The following KCTD16 variants were observed in gnomAD, a reference collection of about 807,000 sequenced individuals.
KCTD16 encodes the protein potassium channel tetramerization domain containing 16.
In KCTD16, 13 loss-of-function variants were observed where a neutral mutation model predicts 33.2. The ratio of observed to expected loss-of-function variants is 0.39; its 90% confidence interval spans 0.25 to 0.62. The LOEUF is 0.62. KCTD16 is among the 20% of genes least tolerant of loss of function. The pLI is 0.50. For missense variants in KCTD16, 441 were observed against 525.1 expected, an observed-to-expected ratio of 0.84 and a Z score of 1.57; for synonymous variants, 197 against 195.3, an observed-to-expected ratio of 1.01 and a Z score of -0.07.
At chr5:144,348,639 G>T (rs1752870046) in intron 3 of KCTD16, among the ~76,000 whole-genome samples, 1 of 152,200 alleles carries the variant, frequency 6.6e-6, no homozygotes, top group South Asian at 2.1e-4. Flanking sequence ...CCTATGGCCA[G>T]AGTTAGTTAC....
intron 3 of KCTD16, among the ~76,000 whole-genome samples, chr5:144,408,459 T>C (rs571913405): frequency 2.0e-4 from 30 of 152,220 alleles, no homozygotes; most frequent in Non-Finnish European, 3.4e-4. Context: ...TTCACACAAG[T>C]ATATTTATGT....
intron 3 of KCTD16, among the ~76,000 whole-genome samples, chr5:144,238,014 G>A (rs1344740090): frequency 6.6e-6 from 1 of 152,196 alleles, no homozygotes; most frequent in Non-Finnish European, 1.5e-5. Flanking sequence ...TATTACTAGT[G>A]ACTGGCATTT....
At chr5:144,296,784 T>C (rs1392988402) in intron 3 of KCTD16, among the ~76,000 whole-genome samples, 1 of 152,176 alleles carries the variant, frequency 6.6e-6, no homozygotes, top group African/African-American at 2.4e-5. Flanking sequence ...AAAAAGTAGT[T>C]CTCATTTTTC....
At chr5:144,288,681 C>A (rs1204058369) in intron 3 of KCTD16, among the ~76,000 whole-genome samples, 1 of 152,090 alleles carries the variant, frequency 6.6e-6, no homozygotes, top group African/African-American at 2.4e-5. Context: ...TAGAAAGCAT[C>A]CTGGTTGGCT....
At chr5:144,224,383 GTTTT>G (rs530446253) in intron 3 of KCTD16, among the ~76,000 whole-genome samples, 31 of 100,348 alleles carry the variant, frequency 3.1e-4, no homozygotes, top group African/African-American at 1.0e-3. Flanking sequence ...AATATAATGT[GTTTT>G]TTTTTTTTTT....
intron 3 of KCTD16, among the ~76,000 whole-genome samples, chr5:144,395,696 G>T (rs1752553301): frequency 6.6e-6 from 1 of 152,158 alleles, no homozygotes; most frequent in Admixed American, 6.5e-5. Context: ...TAGTCGTTTT[G>T]GGGAGAATTC....
chr5:144,359,729 T>C (rs1039339643), intron 3 of KCTD16, among the ~76,000 whole-genome samples: 2 of 151,204 alleles, frequency 1.3e-5, no homozygotes, highest in African/African-American at 4.9e-5. Flanking sequence ...CCTTACAACC[T>C]CCAATGACAA....
At chr5:144,392,885 G>T (rs567385812) in intron 3 of KCTD16, among the ~76,000 whole-genome samples, 2 of 152,188 alleles carry the variant, frequency 1.3e-5, no homozygotes, top group Admixed American at 1.3e-4. Flanking sequence ...CAGTTCCTCC[G>T]CTGGCCAGCA....
intron 3 of KCTD16, among the ~76,000 whole-genome samples, chr5:144,417,967 C>T (rs1156472772): frequency 2.0e-5 from 3 of 152,080 alleles, no homozygotes; most frequent in East Asian, 3.9e-4. Context: ...GAGTTTGTTC[C>T]TTCTGATGTT....
chr5:144,458,623 G>A (rs1042377580), intron 3 of KCTD16, among the ~76,000 whole-genome samples: 1 of 152,132 alleles, frequency 6.6e-6, no homozygotes, highest in Non-Finnish European at 1.5e-5. Flanking sequence ...TCAGCTTCAG[G>A]TGCTGGGGTC....
intron 3 of KCTD16, among the ~76,000 whole-genome samples, chr5:144,212,682 T>A (rs928314256): frequency 1.3e-5 from 2 of 152,172 alleles, no homozygotes; most frequent in African/African-American, 2.4e-5. Context: ...CAGAAATGGA[T>A]AGATGAATGC....
intron 3 of KCTD16, among the ~76,000 whole-genome samples, chr5:144,417,715 G>C (rs1753098563): frequency 6.6e-6 from 1 of 152,100 alleles, no homozygotes; most frequent in African/African-American, 2.4e-5. Flanking sequence ...TTTTTTGCAA[G>C]TGTTTTATGG....
At chr5:144,407,758 T>A (rs1427677498) in intron 3 of KCTD16, among the ~76,000 whole-genome samples, 1 of 152,182 alleles carries the variant, frequency 6.6e-6, no homozygotes, top group Non-Finnish European at 1.5e-5. Flanking sequence ...TGTGTTCTCT[T>A]TGTTCAACTC....
chr5:144,283,083 T>C (rs2126856324), intron 3 of KCTD16, among the ~76,000 whole-genome samples: 1 of 152,288 alleles, frequency 6.6e-6, no homozygotes, highest in Middle Eastern at 3.4e-3. Context: ...AGTTCTAGGG[T>C]ACATGTGCAC....
chr5:144,391,617 G>A (rs562646019), intron 3 of KCTD16, among the ~76,000 whole-genome samples: 1 of 152,062 alleles, frequency 6.6e-6, no homozygotes, highest in Non-Finnish European at 1.5e-5. Flanking sequence ...ACAATATTGG[G>A]CAAGTCTCTT....
chr5:144,480,946 A>G lies in KCTD16; in HGVS notation c.*6832A>G, dbSNP rs1754693667. ...AAAATCGGAACCAGTTTAAATGTGT[A>G]TAGAAATTATATGTATGGAAATTAT... is the stretch of plus-strand genomic sequence containing the variant. On this transcript the variant is annotated 3_prime_UTR_variant, in exon 4 of 4. Coordinates refer to ENST00000512467, the MANE Select transcript of KCTD16 (RefSeq NM_020768.4). 6.6e-6 allele frequency: 1 copy of G among 152,000 alleles called. No individual in the cohort carries two copies. The highest frequency in any genetic ancestry group is 1.5e-5 in the Non-Finnish European group (1 of 67,934). The allele number at this position is 152,000 out of a possible 1,614,324, so 9.4% of individuals were successfully genotyped here.
chr5:144,375,921 C>T (rs562444209), intron 3 of KCTD16, among the ~76,000 whole-genome samples: 1 of 152,126 alleles, frequency 6.6e-6, no homozygotes, highest in East Asian at 1.9e-4. Flanking sequence ...AGTGATTCTC[C>T]TGCCTCAGCC....
In KCTD16 at chr5:144,205,302, C is replaced by T. The variant is rs1339664241; in HGVS notation, c.-326-1087C>T. 3 of 365,008 alleles carry T rather than the reference C, an allele frequency of 8.2e-6. No homozygotes were observed. In the East Asian group the frequency reaches 1.2e-4, roughly 14 times the overall value. 22.6% of individuals were successfully genotyped at this position (365,008 alleles called of 1,614,324 possible). On this transcript the variant is annotated intron_variant, in intron 2 of 3. Coordinates refer to ENST00000512467, the MANE Select transcript of KCTD16 (RefSeq NM_020768.4). Reference sequence around the variant, plus strand: ...CCGAGGAGGACGTGACTCGGAGCTGCCTCCGCTTTCTCCAAGCCATATTCC... The same window carrying T: ...CCGAGGAGGACGTGACTCGGAGCTGTCTCCGCTTTCTCCAAGCCATATTCC...
chr5:144,261,450 G>A (rs941090648), intron 3 of KCTD16, among the ~76,000 whole-genome samples: 16 of 152,306 alleles, frequency 1.1e-4, no homozygotes, highest in African/African-American at 3.6e-4. Context: ...TAAAAGGGGA[G>A]AATTTGACCG....
Sources: gnomAD v4.1 joint callset for allele counts (sites outside exome capture counted in the v4.1 genomes callset) on GRCh38, gnomAD v4.1.1 for gene constraint, MANE v1.5 for transcripts, NCBI Gene and HGNC (gene_info 2026-07-23, HGNC 2026-07-21) for gene names.